Variants in TPH2 observed in about 807,000 individuals in gnomAD.
The protein encoded by TPH2 is tryptophan 5-hydroxylase 2.
Under a neutral mutation model 59.1 loss-of-function variants are expected in TPH2, and 27 were observed. The ratio of observed to expected loss-of-function variants is 0.46; its 90% CI spans 0.34 to 0.63. The LOEUF (loss-of-function observed/expected upper bound fraction) is 0.63, where lower values mean the gene tolerates loss of function less well. Among genes scored for constraint, TPH2 ranks in the 30% least tolerant of loss-of-function variants. The pLI is 0.01. For missense variants in TPH2, 523 were observed against 588.3 expected (o/e 0.89, Z 1.15); for synonymous variants, 220 against 210.5 (o/e 1.05, Z -0.39).
chr12:72,026,203 A>ATT (rs200217774), intron 9 of TPH2, among the ~76,000 whole-genome samples: 6,574 of 145,516 alleles, frequency 0.045, 283 homozygotes, highest in East Asian at 0.21. Flanking sequence ...CAGAGATTAG[A>ATT]TTTTTTTTTT....
chr12:71,971,574 T>C (rs533530063), intron 5 of TPH2, among the ~76,000 whole-genome samples: 24 of 152,326 alleles, frequency 1.6e-4, no homozygotes, highest in Admixed American at 5.2e-4. Flanking sequence ...GCTGCTATTA[T>C]ATTAGAGCAC....
intron 5 of TPH2, among the ~76,000 whole-genome samples, chr12:71,955,417 T>C (rs1472515027): frequency 1.3e-5 from 2 of 152,216 alleles, no homozygotes; most frequent in Non-Finnish European, 2.9e-5. Context: ...TGGGGTTTAC[T>C]CAGACCCCTG....
intron 5 of TPH2, among the ~76,000 whole-genome samples, chr12:71,957,797 T>C (rs1871553785): frequency 2.0e-5 from 3 of 152,126 alleles, no homozygotes; most frequent in Admixed American, 6.5e-5. Flanking sequence ...ATCTGGAAAA[T>C]TGCCCCCTCA....
chr12:72,030,825 C>T (rs1481810604), intron 9 of TPH2, among the ~76,000 whole-genome samples: 1 of 152,086 alleles, frequency 6.6e-6, no homozygotes, highest in Non-Finnish European at 1.5e-5. Context: ...ATTACCTCTC[C>T]ATGCAGATAA....
chr12:72,031,105 T>C (rs1486352442), intron 9 of TPH2, among the ~76,000 whole-genome samples, 153 bp from the exon 10 acceptor site: 1 of 152,122 alleles, frequency 6.6e-6, no homozygotes, highest in African/African-American at 2.4e-5. Flanking sequence ...CAATTTACCC[T>C]GCACACAGGA....
At chr12:71,988,803 C>T (rs958754182) in intron 7 of TPH2, among the ~76,000 whole-genome samples, 4 of 152,128 alleles carry the variant, frequency 2.6e-5, no homozygotes, top group African/African-American at 7.2e-5. Context: ...TCTTTTTATG[C>T]ATCAGGAAAG....
At position 72,031,683 on chromosome 12, in the gene TPH2, T is replaced by C. The variant is rs557414103; in HGVS notation, c.1461T>C (p.Tyr487=). Reference sequence around the variant, plus strand: ...ATGCTTTAAACAAAATGAACCAATATCTGGGGATTTGATGCCTGGAACTAT... The same window carrying C: ...ATGCTTTAAACAAAATGAACCAATACCTGGGGATTTGATGCCTGGAACTAT... ...VCDALNKMNQ[Y]LGI The change falls in exon 11 of 11, where the codon TAT becomes TAC. Residue 487 remains tyrosine (Y), a synonymous_variant. Coordinates refer to ENST00000333850, the MANE Select transcript of TPH2 (RefSeq NM_173353.4). 1 of 1,613,404 alleles carries C rather than the reference T, an allele frequency of 6.2e-7. No homozygotes were observed. The highest frequency in any genetic ancestry group is 1.1e-5 in the South Asian group (1 of 91,072).
At chr12:71,996,905 C>T (rs995723942) in intron 8 of TPH2, among the ~76,000 whole-genome samples, 5 of 152,164 alleles carry the variant, frequency 3.3e-5, no homozygotes, top group Non-Finnish European at 7.4e-5. Flanking sequence ...ATGTTCTCCT[C>T]ACTTTTTGGA....
intron 2 of TPH2, among the ~76,000 whole-genome samples, chr12:71,944,018 A>T (rs1871138722): frequency 6.6e-6 from 1 of 151,864 alleles, no homozygotes; most frequent in African/African-American, 2.4e-5. Flanking sequence ...GTGGGAAATG[A>T]TGATGTTCAT....
chr12:71,979,674 T>C (rs1440827059), intron 7 of TPH2, among the ~76,000 whole-genome samples: 3 of 152,154 alleles, frequency 2.0e-5, no homozygotes, highest in Admixed American at 2.0e-4. Flanking sequence ...GGACAATGGG[T>C]AAGCTAGGAG....
At chr12:71,974,048 C>A (rs1872048208) in intron 6 of TPH2, among the ~76,000 whole-genome samples, 1 of 152,138 alleles carries the variant, frequency 6.6e-6, no homozygotes, top group South Asian at 2.1e-4. Context: ...CTTGGATTCT[C>A]TGCCCTTTTC....
intron 8 of TPH2, among the ~76,000 whole-genome samples, chr12:72,009,747 C>T (rs1363409120): frequency 6.6e-6 from 1 of 152,210 alleles, no homozygotes; most frequent in African/African-American, 2.4e-5. Flanking sequence ...CAGGACATGG[C>T]AGAATGGCTG....
chr12:71,982,664 G>C (rs759477615), intron 7 of TPH2, among the ~76,000 whole-genome samples: 1 of 152,180 alleles, frequency 6.6e-6, no homozygotes, highest in Non-Finnish European at 1.5e-5. Context: ...AAACCAACTA[G>C]AGGGCAGATT....
At chr12:71,954,384 C>T (rs1275026864) in intron 5 of TPH2, among the ~76,000 whole-genome samples, 3 of 152,250 alleles carry the variant, frequency 2.0e-5, no homozygotes, top group Admixed American at 6.5e-5. Context: ...TGAGAATGAA[C>T]GCCCTGTATC....
intron 8 of TPH2, among the ~76,000 whole-genome samples, chr12:72,014,152 A>C (rs1464201218): frequency 1.3e-5 from 2 of 152,076 alleles, no homozygotes; most frequent in African/African-American, 2.4e-5. Context: ...AGGCTTCAAG[A>C]TGTGACATGA....
chr12:72,024,434 G>A (rs895941958), intron 9 of TPH2, among the ~76,000 whole-genome samples: 1 of 152,184 alleles, frequency 6.6e-6, no homozygotes, highest in Non-Finnish European at 1.5e-5. Flanking sequence ...GATGTAGTAT[G>A]GTAATTTTTT....
chr12:72,016,391 C>T (rs923346649), intron 8 of TPH2, among the ~76,000 whole-genome samples: 1 of 151,922 alleles, frequency 6.6e-6, no homozygotes. Context: ...TTTCTTGTTC[C>T]CCTTCTAAGT....
At chr12:71,968,194 G>A (rs938125819) in intron 5 of TPH2, among the ~76,000 whole-genome samples, 1 of 152,138 alleles carries the variant, frequency 6.6e-6, no homozygotes, top group Admixed American at 6.5e-5. Flanking sequence ...TTTCCTGGGG[G>A]AGACCACTCC....
intron 8 of TPH2, among the ~76,000 whole-genome samples, chr12:71,999,997 G>T (rs1872782491): frequency 6.6e-6 from 1 of 152,184 alleles, no homozygotes. Flanking sequence ...TCTTATTGTG[G>T]TTGAGAGGTG....
Sources: allele counts gnomAD v4.1 joint callset (sites outside exome capture counted in the v4.1 genomes callset), GRCh38; gene constraint gnomAD v4.1.1; transcripts MANE v1.5; gene names NCBI Gene and HGNC (gene_info 2026-07-23, HGNC 2026-07-21).